The following NFKB1 variants were observed in gnomAD, a reference collection of about 807,000 sequenced individuals.
The protein encoded by NFKB1 is nuclear factor kappa B subunit 1.
A neutral mutation model predicts 105.1 loss-of-function variants in NFKB1; 9 were observed. That is an observed-to-expected ratio of 0.09 (90% CI 0.05 to 0.15). NFKB1 has a LOEUF of 0.15. Among genes scored for constraint, NFKB1 ranks in the 10% least tolerant of loss-of-function variants. The pLI is 1.00. For missense variants in NFKB1, 830 were observed against 1,203.7 expected (o/e 0.69, Z 4.59); for synonymous variants, 440 against 442.2 (o/e 1.00, Z 0.06).
chr4:102,505,248 C>G (rs574501506), intron 1 of NFKB1, among the ~76,000 whole-genome samples: 3 of 152,212 alleles, frequency 2.0e-5, no homozygotes, highest in African/African-American at 7.2e-5. Context: ...GAATAAGAGT[C>G]ACATAAGATG....
chr4:102,574,783 T>A (rs1475232293), intron 6 of NFKB1, among the ~76,000 whole-genome samples: 4 of 152,218 alleles, frequency 2.6e-5, no homozygotes, highest in African/African-American at 9.6e-5. Context: ...ACTCTATCGT[T>A]ACCTGAAGCA....
intron 11 of NFKB1, among the ~76,000 whole-genome samples, chr4:102,586,233 A>G (rs1448747330): frequency 6.6e-6 from 1 of 152,184 alleles, no homozygotes; most frequent in African/African-American, 2.4e-5. Flanking sequence ...TACTGTCAAG[A>G]GGGCCTAGAG....
intron 5 of NFKB1, among the ~76,000 whole-genome samples, chr4:102,543,056 C>T (rs1309426898): frequency 6.6e-6 from 1 of 152,132 alleles, no homozygotes; most frequent in East Asian, 1.9e-4. Context: ...ATAGGAGAGG[C>T]TGGCAGAAAA....
intron 20 of NFKB1, 75 bp downstream of exon 20, chr4:102,610,774 T>C: frequency 1.3e-6 from 2 of 1,529,232 alleles, no homozygotes; most frequent in Non-Finnish European, 1.8e-6. Context: ...ACAGATGGTC[T>C]TCCTGGTGCT....
At chr4:102,585,727 T>A (rs1432987037) in intron 11 of NFKB1, among the ~76,000 whole-genome samples, 1 of 152,206 alleles carries the variant, frequency 6.6e-6, no homozygotes, top group African/African-American at 2.4e-5. Flanking sequence ...GGTCCCTTTA[T>A]TCTAAAGCAG....
chr4:102,588,722 T>C (rs1034874571), intron 11 of NFKB1, among the ~76,000 whole-genome samples: 5 of 152,194 alleles, frequency 3.3e-5, no homozygotes, highest in African/African-American at 1.2e-4. Flanking sequence ...TTAAAGTCAC[T>C]GGTTATTATT....
At chr4:102,560,056 A>G (rs1395008760) in intron 5 of NFKB1, among the ~76,000 whole-genome samples, 1 of 152,134 alleles carries the variant, frequency 6.6e-6, no homozygotes, top group Non-Finnish European at 1.5e-5. Context: ...AAAAAGTGAC[A>G]TACATGAACA....
At chr4:102,548,777 C>T (rs1259423155) in intron 5 of NFKB1, among the ~76,000 whole-genome samples, 1 of 152,120 alleles carries the variant, frequency 6.6e-6, no homozygotes, top group Non-Finnish European at 1.5e-5. Context: ...CAATTTCTGT[C>T]TCCATCTTCA....
intron 11 of NFKB1, among the ~76,000 whole-genome samples, chr4:102,591,164 A>G (rs927109197): frequency 6.6e-6 from 1 of 152,228 alleles, no homozygotes; most frequent in Admixed American, 6.5e-5. Flanking sequence ...TCTAGTTCAG[A>G]AAATTGATGA....
intron 5 of NFKB1, among the ~76,000 whole-genome samples, chr4:102,545,287 C>G (rs1722048178): frequency 6.6e-6 from 1 of 152,128 alleles, no homozygotes; most frequent in African/African-American, 2.4e-5. Flanking sequence ...CCTTCACCTC[C>G]CTGGGGTCTC....
At chr4:102,530,452 G>C (rs527872468) in intron 3 of NFKB1, among the ~76,000 whole-genome samples, 1 of 151,984 alleles carries the variant, frequency 6.6e-6, no homozygotes, top group South Asian at 2.1e-4. Context: ...ATTGGCAACT[G>C]TTTAATTTCG....
intron 12 of NFKB1, 125 bp from the exon 13 acceptor site, chr4:102,594,767 T>A: frequency 1.7e-6 from 1 of 580,078 alleles, no homozygotes; most frequent in South Asian, 2.8e-5. Flanking sequence ...AGAAAAACCA[T>A]GTGTGGGCAC....
At chr4:102,558,678 TC>T (rs1277452081) in intron 5 of NFKB1, among the ~76,000 whole-genome samples, 14 of 152,008 alleles carry the variant, frequency 9.2e-5, no homozygotes. Context: ...AGAGACAGGG[TC>T]TCACCCTGTT....
intron 6 of NFKB1, among the ~76,000 whole-genome samples, chr4:102,572,336 G>C: frequency 8.1e-6 from 1 of 123,432 alleles, no homozygotes; most frequent in African/African-American, 3.0e-5. Flanking sequence ...GCCTGTGGTG[G>C]GGTGGGGGGA....
At chr4:102,510,972 G>T in intron 1 of NFKB1, 2 of 1,280,212 alleles carry the variant, frequency 1.6e-6, no homozygotes, top group South Asian at 2.5e-5. Flanking sequence ...GAAAAAGAGT[G>T]TTAAAAAGTC....
At chr4:102,557,819 G>C (rs544212124) in intron 5 of NFKB1, among the ~76,000 whole-genome samples, 2 of 152,058 alleles carry the variant, frequency 1.3e-5, no homozygotes, top group Non-Finnish European at 2.9e-5. Flanking sequence ...ATGATTATTC[G>C]AGAGTTGCCC....
chr4:102,535,135 G>C (rs1463566648), intron 4 of NFKB1, among the ~76,000 whole-genome samples: 3 of 152,126 alleles, frequency 2.0e-5, no homozygotes, highest in Non-Finnish European at 4.4e-5. Flanking sequence ...ATTTCTCAGA[G>C]AAGGTCATCA....
intron 5 of NFKB1, among the ~76,000 whole-genome samples, chr4:102,566,227 T>C (rs1206012009): frequency 1.3e-5 from 2 of 152,196 alleles, no homozygotes; most frequent in Non-Finnish European, 2.9e-5. Flanking sequence ...TTGTCATCAT[T>C]TTAAAGACAT....
At chr4:102,584,607 T>C (rs1440723556) in intron 10 of NFKB1, 75 bp from the exon 11 acceptor site, 1 of 1,400,840 alleles carries the variant, frequency 7.1e-7, no homozygotes. Context: ...AAGGAATGTG[T>C]TTAATGAGTA....
Sources: allele counts gnomAD v4.1 joint callset (sites outside exome capture counted in the v4.1 genomes callset), GRCh38; gene constraint gnomAD v4.1.1; transcripts MANE v1.5; gene names NCBI Gene and HGNC (gene_info 2026-07-23, HGNC 2026-07-21).